TCF7L1: variants seen among roughly 807,000 people sequenced by gnomAD.
The protein encoded by TCF7L1 is transcription factor 7 like 1.
TCF7L1 carries 18 observed loss-of-function variants against 63.7 expected under a neutral mutation model. The observed-to-expected ratio is 0.28, with a 90% CI of 0.20 to 0.42. The LOEUF is 0.42. TCF7L1 is among the 10% of genes least tolerant of loss of function. TCF7L1 has a pLI of 1.00. For synonymous variants in TCF7L1, 355 were observed against 340.9 expected (o/e 1.04, Z -0.46); for missense variants, 654 against 779.3 (o/e 0.84, Z 1.91).
chr2:85,168,394 GAGT>G (rs1678469617), intron 3 of TCF7L1, among the ~76,000 whole-genome samples: 1 of 152,174 alleles, frequency 6.6e-6, no homozygotes, highest in African/African-American at 2.4e-5. Flanking sequence ...AACAAAAAAA[GAGT>G]AAGTGTGGGA....
At chr2:85,262,005 C>A (rs1558649666) in intron 3 of TCF7L1, 3 of 509,208 alleles carry the variant, frequency 5.9e-6, no homozygotes, top group African/African-American at 1.9e-5. Context: ...CAAACTGTAT[C>A]CTTCTCAACA....
At chr2:85,241,375 G>A (rs1054163393) in intron 3 of TCF7L1, among the ~76,000 whole-genome samples, 1 of 151,202 alleles carries the variant, frequency 6.6e-6, no homozygotes, top group Non-Finnish European at 1.5e-5. Flanking sequence ...GGGAGCAGGG[G>A]AACAGCAGGG....
At chr2:85,254,302 C>T (rs562350557) in intron 3 of TCF7L1, among the ~76,000 whole-genome samples, 1 of 152,358 alleles carries the variant, frequency 6.6e-6, no homozygotes, top group Admixed American at 6.5e-5. Context: ...ATTAGGGGGT[C>T]TTCTGAATTA....
At chr2:85,243,898 G>A (rs916233648) in intron 3 of TCF7L1, among the ~76,000 whole-genome samples, 2 of 152,186 alleles carry the variant, frequency 1.3e-5, no homozygotes, top group African/African-American at 4.8e-5. Flanking sequence ...TGGGAGATGT[G>A]GTGGGCGGAG....
intron 3 of TCF7L1, among the ~76,000 whole-genome samples, chr2:85,212,335 T>C (rs1244992608): frequency 1.3e-5 from 2 of 152,142 alleles, no homozygotes; most frequent in Non-Finnish European, 2.9e-5. Flanking sequence ...CTTCTGTACA[T>C]CTGGGCAGTG....
chr2:85,171,130 G>T (rs1230868445), intron 3 of TCF7L1, among the ~76,000 whole-genome samples: 2 of 152,132 alleles, frequency 1.3e-5, no homozygotes, highest in African/African-American at 4.8e-5. Context: ...TTACATGGTG[G>T]CAGGCAAGAG....
intron 3 of TCF7L1, among the ~76,000 whole-genome samples, chr2:85,212,691 G>A (rs1022279859): frequency 6.6e-6 from 1 of 152,104 alleles, no homozygotes; most frequent in Admixed American, 6.5e-5. Flanking sequence ...TGACTGATGA[G>A]TTTTCTTTTG....
rs1681234569 is a variant in TCF7L1 at position 85,274,801 on chromosome 2, C to T, written c.442-8694C>T. Among the ~76,000 whole-genome samples, 7 of 152,292 alleles carry T rather than the reference C, an allele frequency of 4.6e-5. No individual in the cohort carries two copies. In the South Asian group the frequency reaches 1.0e-3, roughly 23 times the overall value. On this transcript the variant is annotated intron_variant, in intron 3 of 11. Coordinates refer to ENST00000282111, the MANE Select transcript of TCF7L1 (RefSeq NM_031283.3). ...ACCAGACCTGTCTCCCCAGGTAAAG[C>T]GCAGGTCACAGGCTCCTAGAATACC...
intron 3 of TCF7L1, among the ~76,000 whole-genome samples, chr2:85,188,080 A>G (rs1222976512): frequency 1.3e-5 from 2 of 152,250 alleles, no homozygotes; most frequent in Non-Finnish European, 2.9e-5. Flanking sequence ...GTGAAATGAC[A>G]AAATTATAGC....
intron 3 of TCF7L1, among the ~76,000 whole-genome samples, chr2:85,246,392 C>A (rs187461896): frequency 1.2e-3 from 179 of 152,350 alleles, no homozygotes; most frequent in African/African-American, 4.1e-3. Context: ...CCTTTCATGA[C>A]AGAGCAGAAG....
intron 3 of TCF7L1, among the ~76,000 whole-genome samples, chr2:85,203,099 T>C (rs1481959140): frequency 1.3e-5 from 2 of 152,196 alleles, no homozygotes; most frequent in African/African-American, 4.8e-5. Flanking sequence ...CCTCTCAAAG[T>C]ACTGGGATTA....
chr2:85,260,955 G>C (rs1457189044), intron 3 of TCF7L1, among the ~76,000 whole-genome samples: 1 of 152,098 alleles, frequency 6.6e-6, no homozygotes, highest in Non-Finnish European at 1.5e-5. Flanking sequence ...CTCTCCCTCA[G>C]TTATCATATC....
intron 3 of TCF7L1, among the ~76,000 whole-genome samples, chr2:85,153,989 A>G (rs1678082163): frequency 6.6e-6 from 1 of 152,204 alleles, no homozygotes; most frequent in African/African-American, 2.4e-5. Context: ...TAAGTTGATT[A>G]CTGGTGGTTG....
At chr2:85,216,318 G>A (rs1172609485) in intron 3 of TCF7L1, among the ~76,000 whole-genome samples, 1 of 152,120 alleles carries the variant, frequency 6.6e-6, no homozygotes, top group Non-Finnish European at 1.5e-5. Flanking sequence ...TAATAGTTGG[G>A]CTCTGCTGAG....
At chr2:85,153,502 C>T (rs929050823) in intron 3 of TCF7L1, among the ~76,000 whole-genome samples, 3 of 151,760 alleles carry the variant, frequency 2.0e-5, no homozygotes, top group Admixed American at 6.6e-5. Context: ...CCACCACGCC[C>T]GGCTAATTTT....
intron 3 of TCF7L1, among the ~76,000 whole-genome samples, chr2:85,141,510 A>G (rs146341361): frequency 0.012 from 1,901 of 152,258 alleles, 36 homozygotes; most frequent in African/African-American, 0.043. Context: ...TGTACCTTCC[A>G]TATCTCAGTA....
At chr2:85,161,883 A>C (rs1006897639) in intron 3 of TCF7L1, among the ~76,000 whole-genome samples, 2 of 151,988 alleles carry the variant, frequency 1.3e-5, no homozygotes, top group Non-Finnish European at 2.9e-5. Context: ...GTGGTGATCA[A>C]ACAGAGCCGG....
At chr2:85,177,191 GCT>G (rs1678695679) in intron 3 of TCF7L1, among the ~76,000 whole-genome samples, 2 of 152,012 alleles carry the variant, frequency 1.3e-5, no homozygotes, top group African/African-American at 2.4e-5. Flanking sequence ...GAACAAGCCA[GCT>G]CTCTGGCCTC....
intron 5 of TCF7L1, 91 bp from the exon 6 acceptor site, chr2:85,303,804 G>A: frequency 1.0e-5 from 10 of 970,490 alleles, no homozygotes; most frequent in East Asian, 4.9e-5. Flanking sequence ...CAGAGCACCA[G>A]GGACATAGGG....
Sources: gnomAD v4.1 joint callset for allele counts (sites outside exome capture counted in the v4.1 genomes callset) on GRCh38, gnomAD v4.1.1 for gene constraint, MANE v1.5 for transcripts, NCBI Gene and HGNC (gene_info 2026-07-23, HGNC 2026-07-21) for gene names.